Variants in CRY1 observed in about 807,000 individuals in gnomAD.
CRY1 encodes cryptochrome circadian regulator 1.
In CRY1, 45 loss-of-function variants were observed where a neutral mutation model predicts 76.0. The observed-to-expected ratio is 0.59, with a 90% confidence interval of 0.47 to 0.76. The LOEUF (loss-of-function observed/expected upper bound fraction) is 0.76, where lower values mean the gene tolerates loss of function less well. CRY1 is among the 30% of genes least tolerant of loss of function. The probability of loss-of-function intolerance (pLI) is 0.00; values close to 1 mark genes in which losing one functional copy is unlikely to be tolerated. For synonymous variants in CRY1, 248 were observed against 244.0 expected, an observed-to-expected ratio of 1.02 and a Z score of -0.15; for missense variants, 587 against 716.4, an observed-to-expected ratio of 0.82 and a Z score of 2.06.
At chr12:107,056,380 G>A (rs1165742311) in intron 1 of CRY1, among the ~76,000 whole-genome samples, 1 of 152,130 alleles carries the variant, frequency 6.6e-6, no homozygotes, top group Non-Finnish European at 1.5e-5. Flanking sequence ...TCATCAGAGG[G>A]GCACAAGAAA....
chr12:107,032,095 C>T (rs963261617), intron 1 of CRY1, among the ~76,000 whole-genome samples: 2 of 152,170 alleles, frequency 1.3e-5, no homozygotes, highest in African/African-American at 2.4e-5. Flanking sequence ...CCACCACGCC[C>T]GGCTAATTTT....
chr12:107,069,564 T>C (rs1003026830), intron 1 of CRY1, among the ~76,000 whole-genome samples: 1 of 139,494 alleles, frequency 7.2e-6, no homozygotes, highest in Admixed American at 7.7e-5. Context: ...ATATATAATA[T>C]ATATATAAAG....
At chr12:107,047,234 C>T (rs1206582884) in intron 1 of CRY1, among the ~76,000 whole-genome samples, 2 of 152,016 alleles carry the variant, frequency 1.3e-5, no homozygotes, top group African/African-American at 4.8e-5. Context: ...TGAAGTTATA[C>T]AAATATAGGG....
At chr12:107,068,279 G>T (rs1280666201) in intron 1 of CRY1, among the ~76,000 whole-genome samples, 1 of 152,140 alleles carries the variant, frequency 6.6e-6, no homozygotes, top group Admixed American at 6.5e-5. Flanking sequence ...AGGTAAAATT[G>T]TAATACATAT....
intron 10 of CRY1, among the ~76,000 whole-genome samples, chr12:106,996,986 A>C (rs146687596): frequency 6.6e-6 from 1 of 152,330 alleles, no homozygotes; most frequent in Admixed American, 6.5e-5. Flanking sequence ...AAGGAGTAAA[A>C]AATAATAAGC....
chr12:107,000,269 T>C (rs901319666), intron 5 of CRY1, among the ~76,000 whole-genome samples, 187 bp from the exon 6 acceptor site: 1 of 152,178 alleles, frequency 6.6e-6, no homozygotes, highest in Non-Finnish European at 1.5e-5. Context: ...TTTGTTTCAG[T>C]CGTCCTTGTG....
At chr12:107,046,983 CAA>C (rs1370947444) in intron 1 of CRY1, among the ~76,000 whole-genome samples, 20 of 152,236 alleles carry the variant, frequency 1.3e-4, no homozygotes, top group Non-Finnish European at 2.5e-4. Flanking sequence ...AGAAGAAAAT[CAA>C]CAAAGAAACA....
intron 2 of CRY1, among the ~76,000 whole-genome samples, chr12:107,014,817 T>C (rs757732614): frequency 1.2e-4 from 19 of 152,190 alleles, no homozygotes; most frequent in Non-Finnish European, 2.2e-4. Flanking sequence ...AAGTCCCTTA[T>C]GTAGAATGGT....
chr12:107,057,578 C>T (rs1005926819), intron 1 of CRY1, among the ~76,000 whole-genome samples: 1 of 151,984 alleles, frequency 6.6e-6, no homozygotes, highest in Non-Finnish European at 1.5e-5. Flanking sequence ...AGAAAAGTTT[C>T]AGCTTAGCTG....
chr12:107,009,563 CATATATATATATATAT>C (rs869185018), intron 2 of CRY1, among the ~76,000 whole-genome samples: 35 of 90,964 alleles, frequency 3.8e-4, no homozygotes, highest in African/African-American at 9.2e-4. Context: ...AACAAAAAAA[CATATATATATATATAT>C]ATATATATAT....
intron 1 of CRY1, among the ~76,000 whole-genome samples, chr12:107,023,942 T>G (rs1186244480): frequency 6.6e-6 from 1 of 152,246 alleles, no homozygotes; most frequent in Non-Finnish European, 1.5e-5. Flanking sequence ...TTATCATGTC[T>G]GGTGACAAAT....
intron 2 of CRY1, among the ~76,000 whole-genome samples, chr12:107,013,585 G>A (rs546104293): frequency 1.3e-5 from 2 of 152,260 alleles, no homozygotes; most frequent in South Asian, 2.1e-4. Flanking sequence ...AGGTATGCCT[G>A]TATCAAAAAT....
intron 1 of CRY1, among the ~76,000 whole-genome samples, chr12:107,023,236 G>A (rs999480103): frequency 6.6e-6 from 1 of 152,208 alleles, no homozygotes; most frequent in Non-Finnish European, 1.5e-5. Context: ...GTGAAGAGGA[G>A]TGATTAAGAA....
intron 8 of CRY1, 101 bp from the exon 9 acceptor site, chr12:106,997,791 T>A: frequency 6.5e-7 from 1 of 1,532,760 alleles, no homozygotes. Flanking sequence ...ATTTAAATGA[T>A]CTGTTTACCC....
At chr12:107,003,963 G>A (rs1952342079) in intron 3 of CRY1, among the ~76,000 whole-genome samples, 1 of 151,952 alleles carries the variant, frequency 6.6e-6, no homozygotes, top group African/African-American at 2.4e-5. Context: ...CCGCCACTAT[G>A]CCTGGCTAAT....
chr12:107,092,844 A>G lies in CRY1; in HGVS notation c.118T>C (p.Trp40Arg). Residue 40 changes from tryptophan to arginine, a missense_variant, in exon 1 of 13, where the codon TGG (tryptophan) becomes CGG (arginine). Transcript: ENST00000008527. Reference sequence around the variant, plus strand: ...CCCACATTGGAGGAGCCGGCGAACCAGGGGTCCAGGATGTAGACGCAGCGG... The same window carrying G: ...CCCACATTGGAGGAGCCGGCGAACCGGGGGTCCAGGATGTAGACGCAGCGG... ...TIRCVYILDP[W>R]FAGSSNVGIN... The G allele has an allele frequency of 6.2e-7, 1 of 1,611,478 alleles. No individual in the cohort carries two copies. Among genetic ancestry groups the G allele is most frequent in the South Asian group, 1.1e-5 (1 of 90,808 alleles).
At chr12:107,083,242 CAG>C (rs1953349478) in intron 1 of CRY1, among the ~76,000 whole-genome samples, 1 of 152,168 alleles carries the variant, frequency 6.6e-6, no homozygotes, top group African/African-American at 2.4e-5. Flanking sequence ...GATGGATTCA[CAG>C]CCAAATTCTA....
intron 1 of CRY1, among the ~76,000 whole-genome samples, chr12:107,085,712 T>C (rs1953391703): frequency 6.6e-6 from 1 of 152,064 alleles, no homozygotes; most frequent in Non-Finnish European, 1.5e-5. Context: ...CTAATGCATG[T>C]GGGGCTTAAA....
intron 1 of CRY1, among the ~76,000 whole-genome samples, chr12:107,092,071 C>T (rs184195906): frequency 2.6e-5 from 4 of 152,272 alleles, no homozygotes; most frequent in Admixed American, 2.6e-4. Flanking sequence ...TAAATCAGTG[C>T]CTGGCACATG....
Sources: allele counts gnomAD v4.1 joint callset (sites outside exome capture counted in the v4.1 genomes callset), GRCh38; gene constraint gnomAD v4.1.1; transcripts MANE v1.5; gene names NCBI Gene and HGNC (gene_info 2026-07-23, HGNC 2026-07-21).